ABCA4: variants seen among roughly 807,000 people sequenced by gnomAD.
ABCA4 encodes retinal-specific phospholipid-transporting ATPase ABCA4.
Under a neutral mutation model 263.7 loss-of-function variants are expected in ABCA4, and 196 were observed. The ratio of observed to expected loss-of-function variants is 0.74; its 90% CI spans 0.66 to 0.84. The LOEUF (loss-of-function observed/expected upper bound fraction) is 0.84. Among genes scored for constraint, ABCA4 ranks in the 40% least tolerant of loss-of-function variants. ABCA4 has a pLI of 0.00. For synonymous variants in ABCA4, 1,133 were observed against 1,094.2 expected, an observed-to-expected ratio of 1.04 and a Z score of -0.70; for missense variants, 2,792 against 2,855.1, an observed-to-expected ratio of 0.98 and a Z score of 0.50.
Position 94,019,648 on chromosome 1 carries a change from C to A in ABCA4, c.5130G>T (p.Lys1710Asn). Residue 1710 changes from lysine (K) to asparagine (N), a missense_variant, in exon 36 of 50, where the codon AAG (lysine) becomes AAT (asparagine). By Grantham distance (94) the Lys-to-Asn change is moderately conservative. Transcript: ENST00000370225. ...YLIQERVNKSKHLQFISGVSP... is the reference protein window; with the variant it reads ...YLIQERVNKSNHLQFISGVSP... ...TCACTCCACTGATAAACTGGAGGTG[C>A]TTGGATTTGTTCACCCGCTCCTGGA... 1 of 1,612,794 alleles carries A rather than the reference C, an allele frequency of 6.2e-7. No individual in the cohort carries two copies. Among genetic ancestry groups the A allele is most frequent in the Non-Finnish European group, 8.5e-7 (1 of 1,179,448 alleles).
intron 8 of ABCA4, among the ~76,000 whole-genome samples, chr1:94,079,901 C>T (rs1247782276): frequency 6.6e-6 from 1 of 152,022 alleles, no homozygotes; most frequent in Non-Finnish European, 1.5e-5. Context: ...CTACTTTTGG[C>T]ATGTCCCTTG....
At chr1:94,013,294 A>G (rs1659604296) in intron 38 of ABCA4, among the ~76,000 whole-genome samples, 1 of 152,142 alleles carries the variant, frequency 6.6e-6, no homozygotes, top group Admixed American at 6.5e-5. Context: ...AGGCTTCGTT[A>G]CTTGCCTAGC....
chr1:94,005,724 A>C, intron 43 of ABCA4, 142 bp from the exon 44 acceptor site: 1 of 750,250 alleles, frequency 1.3e-6, no homozygotes. Context: ...TGCATGGGAT[A>C]TTTGGGAATC....
intron 4 of ABCA4, among the ~76,000 whole-genome samples, chr1:94,103,964 T>G (rs1662352734): frequency 6.6e-6 from 1 of 152,180 alleles, no homozygotes; most frequent in African/African-American, 2.4e-5. Context: ...TTGGGGCAAG[T>G]GATTGAGCCT....
chr1:93,994,983 T>G (rs1239690265), intron 49 of ABCA4, among the ~76,000 whole-genome samples: 1 of 152,338 alleles, frequency 6.6e-6, no homozygotes. Context: ...TAAAAAGGAT[T>G]TGCAACTGCA....
At chr1:94,067,708 G>A (rs545240115) in intron 11 of ABCA4, among the ~76,000 whole-genome samples, 2 of 152,292 alleles carry the variant, frequency 1.3e-5, no homozygotes, top group South Asian at 4.1e-4. Context: ...TTTGTGAAGG[G>A]CTTACAATTG....
intron 16 of ABCA4, among the ~76,000 whole-genome samples, 153 bp downstream of exon 16, chr1:94,054,958 G>A (rs1282584953): frequency 3.9e-5 from 6 of 152,164 alleles, no homozygotes; most frequent in African/African-American, 1.4e-4. Flanking sequence ...GAGCCAGTAG[G>A]ATTTGCTGGT....
chr1:94,028,379 A>C (rs2101031669), intron 30 of ABCA4, among the ~76,000 whole-genome samples: 1 of 152,352 alleles, frequency 6.6e-6, no homozygotes, highest in South Asian at 2.1e-4. Flanking sequence ...CTCCCAGGAC[A>C]GGGTGCTGCT....
At chr1:94,112,698 G>A (rs1335384929) in intron 2 of ABCA4, among the ~76,000 whole-genome samples, 1 of 152,234 alleles carries the variant, frequency 6.6e-6, no homozygotes, top group East Asian at 1.9e-4. Context: ...TGGAAGCCCA[G>A]GCAGGAGGAT....
intron 14 of ABCA4, among the ~76,000 whole-genome samples, chr1:94,058,459 T>A (rs1252495126): frequency 1.3e-5 from 2 of 152,250 alleles, no homozygotes; most frequent in African/African-American, 4.8e-5. Context: ...CCTCCTGGGT[T>A]CAAGGGATTC....
chr1:94,059,294 C>T lies in ABCA4; in HGVS notation c.2160+1243G>A, dbSNP rs116500623. On this transcript the variant is annotated intron_variant, in intron 14 of 49. Transcript: ENST00000370225. ...AAGGACAAGGGGCTCAGCTCCTCCCCTCATCTCTTAGAACTTTGGTGCCCT... is the reference window on the plus strand; with the variant it reads ...AAGGACAAGGGGCTCAGCTCCTCCCTTCATCTCTTAGAACTTTGGTGCCCT... 3.4e-3 allele frequency among the ~76,000 whole-genome samples: 516 copies of T among 152,290 alleles called. 3 individuals are homozygous for T. The highest frequency in any genetic ancestry group is 0.012 in the African/African-American group (492 of 41,562).
intron 17 of ABCA4, among the ~76,000 whole-genome samples, chr1:94,050,239 A>C (rs1472942685): frequency 6.6e-6 from 1 of 152,220 alleles, no homozygotes; most frequent in Non-Finnish European, 1.5e-5. Context: ...AAACTGCACA[A>C]ATAGGTAATG....
chr1:94,043,489 A>G lies in ABCA4; in HGVS notation c.3051-14T>C. The G allele has an allele frequency of 1.2e-6, 2 of 1,614,096 alleles. No homozygotes were observed. Among genetic ancestry groups the G allele is most frequent in the Middle Eastern group, 1.7e-4 (1 of 6,060 alleles). On this transcript the variant is annotated splice_polypyrimidine_tract_variant and intron_variant, in intron 20 of 49. Coordinates refer to ENST00000370225, the MANE Select transcript of ABCA4 (RefSeq NM_000350.3). ...GCCACCGTGAGGCTAGGAGGATGGG[A>G]CAACGAGAAAAGCAGTGGCTTAGCA...
Position 94,080,959 on chromosome 1 carries a change from T to G in ABCA4, c.859-241A>C, listed in dbSNP as rs56378813. Reference sequence around the variant, plus strand: ...TCACAGAGTGGCCGGGCGCAGTGGCTCATGCCTGTAATCCTAGCACTTTGG... The same window carrying G: ...TCACAGAGTGGCCGGGCGCAGTGGCGCATGCCTGTAATCCTAGCACTTTGG... On this transcript the variant is annotated intron_variant, in intron 7 of 49. Transcript: ENST00000370225. 1.1e-3 allele frequency among the ~76,000 whole-genome samples: 170 copies of G among 152,292 alleles called. No individual in the cohort carries two copies. The highest frequency in any genetic ancestry group is 3.8e-3 in the African/African-American group (156 of 41,568).
intron 30 of ABCA4, among the ~76,000 whole-genome samples, chr1:94,026,158 T>C (rs1339590383): frequency 6.6e-6 from 1 of 152,210 alleles, no homozygotes; most frequent in Non-Finnish European, 1.5e-5. Context: ...GGGATTTTGG[T>C]GGCATTACAC....
At chr1:94,062,522 ACT>A in intron 13 of ABCA4, 53 bp downstream of exon 13, 1 of 1,083,460 alleles carries the variant, frequency 9.2e-7, no homozygotes, top group Non-Finnish European at 1.4e-6. Context: ...ACCCCAGCCC[ACT>A]CCAGCACCCC....
At chr1:94,097,013 G>T (rs1370953213) in intron 6 of ABCA4, among the ~76,000 whole-genome samples, 2 of 152,230 alleles carry the variant, frequency 1.3e-5, no homozygotes, top group African/African-American at 4.8e-5. Context: ...GTATTCAGCT[G>T]CCTGGAATAA....
chr1:94,062,787 G>A lies in ABCA4; in HGVS notation c.1761-34C>T, dbSNP rs776799233. On this transcript the variant is annotated intron_variant, in intron 12 of 49. Coordinates refer to ENST00000370225, the MANE Select transcript of ABCA4 (RefSeq NM_000350.3). ...ACACAGAGGGACAAAGGATGGGAAC[G>A]GGCTTGGATAGCTCACTCACACCTC... 22 of 1,607,916 alleles carry A rather than the reference G, an allele frequency of 1.4e-5. No individual in the cohort carries two copies. The Admixed American group carries it at 1.7e-4, about 12-fold the overall frequency.
At chr1:94,114,834 C>T (rs2101171715) in intron 1 of ABCA4, among the ~76,000 whole-genome samples, 1 of 152,342 alleles carries the variant, frequency 6.6e-6, no homozygotes, top group South Asian at 2.1e-4. Flanking sequence ...TTCATCACTC[C>T]TCCAAGTAAG....
Sources: gnomAD v4.1 joint callset for allele counts (sites outside exome capture counted in the v4.1 genomes callset) on GRCh38, gnomAD v4.1.1 for gene constraint, MANE v1.5 for transcripts, NCBI Gene and HGNC (gene_info 2026-07-23, HGNC 2026-07-21) for gene names.